EYS: variants seen among roughly 807,000 people sequenced by gnomAD.
EYS encodes protein eyes shut homolog.
A neutral mutation model predicts 282.1 loss-of-function variants in EYS; 250 were observed. The ratio of observed to expected loss-of-function variants is 0.89; its 90% CI spans 0.80 to 0.98. The LOEUF (loss-of-function observed/expected upper bound fraction) is 0.98, where lower values mean the gene tolerates loss of function less well. EYS is among the 50% of genes least tolerant of loss of function. EYS has a pLI of 0.00. For synonymous variants in EYS, 1,355 were observed against 1,282.9 expected, an observed-to-expected ratio of 1.06 and a Z score of -1.20; for missense variants, 4,016 against 3,709.0, an observed-to-expected ratio of 1.08 and a Z score of -2.15.
Position 65,031,022 on chromosome 6 carries a change from T to C in EYS, c.2137+26592A>G, listed in dbSNP as rs751092824. ...CTATTCTAATTTCAGACAAAACAGATTTTAAACCAGCAAAGATAAAAGAAG... is the reference window on the plus strand; with the variant it reads ...CTATTCTAATTTCAGACAAAACAGACTTTAAACCAGCAAAGATAAAAGAAG... On this transcript the variant is annotated intron_variant, in intron 13 of 42. Coordinates refer to ENST00000503581, the MANE Select transcript of EYS (RefSeq NM_001142800.2). Among the ~76,000 whole-genome samples the C allele has an allele frequency of 2.1e-4, 32 of 151,782 alleles. No individual in the cohort carries two copies. In the Middle Eastern group the frequency reaches 0.014, roughly 65 times the overall value.
intron 22 of EYS, among the ~76,000 whole-genome samples, chr6:64,675,621 G>A (rs1769630893): frequency 6.6e-6 from 1 of 151,302 alleles, no homozygotes; most frequent in Non-Finnish European, 1.5e-5. Flanking sequence ...GTAGAGACAG[G>A]GTTTCACCAT....
At chr6:64,901,294 GTATA>G (rs70999177) in intron 18 of EYS, among the ~76,000 whole-genome samples, 4 of 127,708 alleles carry the variant, frequency 3.1e-5, no homozygotes, top group African/African-American at 9.5e-5. Context: ...ATGTAGTTGA[GTATA>G]TATATATATA....
intron 12 of EYS, among the ~76,000 whole-genome samples, chr6:65,204,165 A>C (rs1765970899): frequency 6.6e-6 from 1 of 152,126 alleles, no homozygotes; most frequent in Non-Finnish European, 1.5e-5. Flanking sequence ...AAATTTCCCC[A>C]ATCTTGCTAG....
intron 22 of EYS, among the ~76,000 whole-genome samples, chr6:64,660,354 C>T (rs1302656292): frequency 1.3e-5 from 2 of 151,912 alleles, no homozygotes; most frequent in South Asian, 4.2e-4. Flanking sequence ...TCTCACCACT[C>T]CTATTCAACA....
intron 12 of EYS, among the ~76,000 whole-genome samples, chr6:65,257,953 A>G (rs1344058719): frequency 6.6e-6 from 1 of 152,032 alleles, no homozygotes; most frequent in Non-Finnish European, 1.5e-5. Flanking sequence ...ACTGTAGTCA[A>G]CAAGAAATTA....
At chr6:65,100,213 C>T (rs1581909856) in intron 12 of EYS, among the ~76,000 whole-genome samples, 1 of 150,854 alleles carries the variant, frequency 6.6e-6, no homozygotes, top group East Asian at 1.9e-4. Flanking sequence ...GAAAAATAGG[C>T]ATTAAAAATG....
intron 22 of EYS, among the ~76,000 whole-genome samples, chr6:64,707,350 G>C (rs1187805517): frequency 1.3e-5 from 2 of 152,116 alleles, no homozygotes; most frequent in Non-Finnish European, 2.9e-5. Context: ...GGGGGAAAGG[G>C]AGGCAATAGG....
chr6:64,627,904 C>A (rs1396898873), intron 22 of EYS, among the ~76,000 whole-genome samples: 3 of 152,042 alleles, frequency 2.0e-5, no homozygotes. Flanking sequence ...ACGGTGAAAC[C>A]CAATCTCTAC....
intron 37 of EYS, among the ~76,000 whole-genome samples, chr6:63,802,229 C>T (rs1445632125): frequency 6.6e-6 from 1 of 151,986 alleles, no homozygotes; most frequent in Non-Finnish European, 1.5e-5. Flanking sequence ...TACCTTAGTC[C>T]ATACTTGCAT....
intron 12 of EYS, among the ~76,000 whole-genome samples, chr6:65,189,202 T>A (rs966796489): frequency 4.0e-5 from 6 of 151,714 alleles, no homozygotes; most frequent in Non-Finnish European, 8.8e-5. Flanking sequence ...TAATGTATTA[T>A]ATGTATTATA....
intron 14 of EYS, among the ~76,000 whole-genome samples, chr6:64,947,566 C>T (rs1354965918): frequency 6.6e-6 from 1 of 151,220 alleles, no homozygotes; most frequent in African/African-American, 2.4e-5. Context: ...ATTTTTTTTT[C>T]ACATACCATG....
chr6:65,603,716 C>A (rs1375754087), intron 2 of EYS, among the ~76,000 whole-genome samples: 1 of 151,702 alleles, frequency 6.6e-6, no homozygotes, highest in Non-Finnish European at 1.5e-5. Context: ...TATGAAAAAT[C>A]TTTTAAATAA....
At chr6:64,369,836 T>C (rs945976796) in intron 29 of EYS, among the ~76,000 whole-genome samples, 1 of 152,054 alleles carries the variant, frequency 6.6e-6, no homozygotes, top group Non-Finnish European at 1.5e-5. Context: ...ACCTTGGATA[T>C]TGTTGTTGTA....
chr6:65,329,519 C>T, intron 11 of EYS: 1 of 982,246 alleles, frequency 1.0e-6, no homozygotes, highest in Non-Finnish European at 1.2e-6. Flanking sequence ...TCAAGACTGG[C>T]CCCAACCCAA....
intron 22 of EYS, among the ~76,000 whole-genome samples, chr6:64,808,022 T>TCCCTCCCTCCTTCCC (rs1764487797): frequency 6.8e-6 from 1 of 147,972 alleles, no homozygotes; most frequent in Non-Finnish European, 1.5e-5. Context: ...CCCTCCTTCC[T>TCCCTCCCTCCTTCCC]TCCTCCCTCC....
At chr6:63,759,330 ATGT>A (rs1769573258) in intron 41 of EYS, among the ~76,000 whole-genome samples, 1 of 152,214 alleles carries the variant, frequency 6.6e-6, no homozygotes, top group South Asian at 2.1e-4. Flanking sequence ...TACTTGCCCA[ATGT>A]CTAAGGTTAG....
intron 36 of EYS, among the ~76,000 whole-genome samples, chr6:63,830,194 T>C (rs924464431): frequency 6.6e-6 from 1 of 152,156 alleles, no homozygotes; most frequent in East Asian, 1.9e-4. Flanking sequence ...CACCAGCAAC[T>C]GAACAAAGCT....
At position 65,079,664 on chromosome 6, in the gene EYS, C is replaced by T. The variant is rs539732023; in HGVS notation, c.2024-21937G>A. 7.9e-5 allele frequency among the ~76,000 whole-genome samples: 12 copies of T among 151,946 alleles called. No homozygotes were observed. The South Asian group carries it at 1.7e-3, about 21-fold the overall frequency. ...AAATTAGAATTGCATATGTGGCTCG[C>T]GTAATGTTTTTATTGGATAGCCTTG... On this transcript the variant is annotated intron_variant, in intron 12 of 42. Coordinates refer to ENST00000503581, the MANE Select transcript of EYS (RefSeq NM_001142800.2).
At chr6:65,621,329 A>T (rs1766484518) in intron 2 of EYS, among the ~76,000 whole-genome samples, 1 of 151,374 alleles carries the variant, frequency 6.6e-6, no homozygotes, top group Non-Finnish European at 1.5e-5. Context: ...GTCTCTTTTG[A>T]TCTTTGTTGG....
Sources: gnomAD v4.1 joint callset for allele counts (sites outside exome capture counted in the v4.1 genomes callset) on GRCh38, gnomAD v4.1.1 for gene constraint, MANE v1.5 for transcripts, NCBI Gene and HGNC (gene_info 2026-07-23, HGNC 2026-07-21) for gene names.